CARHSP1: variants seen among roughly 807,000 people sequenced by gnomAD.
The protein encoded by CARHSP1 is calcium-regulated heat-stable protein 1.
Under a neutral mutation model 12.5 loss-of-function variants are expected in CARHSP1, and 14 were observed. The observed-to-expected ratio is 1.12, with a 90% confidence interval of 0.74 to 1.75. The LOEUF is 1.75. CARHSP1 is among the 40% of genes most tolerant of loss of function. CARHSP1 has a pLI of 0.00. For missense variants in CARHSP1, 343 were observed against 201.6 expected (o/e 1.70, Z -4.25); for synonymous variants, 161 against 82.0 (o/e 1.96, Z -5.20).
At chr16:8,859,434 A>C in intron 1 of CARHSP1, 99 bp from the exon 2 acceptor site, 1 of 1,104,398 alleles carries the variant, frequency 9.1e-7, no homozygotes, top group Non-Finnish European at 1.3e-6. Context: ...TCTGAGGCTC[A>C]TTCCTCTCGG....
At chr16:8,856,540 C>T (rs2061116004) in intron 3 of CARHSP1, among the ~76,000 whole-genome samples, 3 of 151,282 alleles carry the variant, frequency 2.0e-5, no homozygotes, top group South Asian at 4.2e-4. Context: ...TGGAAATACC[C>T]TTACACATCC....
chr16:8,856,428 C>T (rs1442774159), intron 3 of CARHSP1, among the ~76,000 whole-genome samples: 4 of 152,238 alleles, frequency 2.6e-5, no homozygotes, highest in Non-Finnish European at 5.9e-5. Flanking sequence ...CTTCCAGCAG[C>T]AGAACCAGAC....
rs1453162689 is a variant in CARHSP1 at position 8,857,289 on chromosome 16, T to G, written c.281+1061A>C. On this transcript the variant is annotated intron_variant, in intron 3 of 3. Coordinates refer to ENST00000311052, the MANE Select transcript of CARHSP1 (RefSeq NM_014316.4). ...TTTTTTTTTTTTTTTTTTTTTTTTT[T>G]TTTTTTTTTTGAGATGGAGTTTTGC... Among the ~76,000 whole-genome samples the G allele has an allele frequency of 1.3e-4, 17 of 126,246 alleles. 1 individual carries two copies. Among genetic ancestry groups the G allele is most frequent in the African/African-American group, 3.9e-4 (12 of 30,954 alleles). 82.8% of individuals were successfully genotyped at this position (126,246 alleles called of 152,430 possible).
rs1268238180 is a variant in CARHSP1 at position 8,858,946 on chromosome 16, A to C, written c.158+225T>G. On this transcript the variant is annotated intron_variant, in intron 2 of 3. Transcript: ENST00000311052. ...GCGATTCTGACCCCAGCAACTGCCC[A>C]CCCATTGCCACTCCCAGCTGGTAAC... 5 of 469,892 alleles carry C rather than the reference A, an allele frequency of 1.1e-5. No homozygotes were observed. In the East Asian group the frequency reaches 1.3e-4, roughly 12 times the overall value. The allele number at this position is 469,892 out of a possible 1,614,324, so 29.1% of individuals were successfully genotyped here. A position where few individuals can be genotyped will look rare whatever the true frequency, so the allele number is the denominator to read the frequency against.
chr16:8,858,235 C>T (rs1391419855), intron 3 of CARHSP1, 115 bp downstream of exon 3: 4 of 1,264,462 alleles, frequency 3.2e-6, no homozygotes, highest in Non-Finnish European at 4.3e-6. Context: ...GTCACACAGG[C>T]CCAGCCATTC....
chr16:8,861,573 C>T (rs2061356070), intron 1 of CARHSP1: 2 of 1,262,730 alleles, frequency 1.6e-6, no homozygotes, highest in Admixed American at 2.3e-5. Context: ...AGAACCCCTC[C>T]CCAGACATTG....
rs1008953166 is a variant in CARHSP1 at position 8,855,085 on chromosome 16, A to G, written c.*79T>C. 21 of 1,291,964 alleles carry G rather than the reference A, an allele frequency of 1.6e-5. No homozygotes were observed. Among genetic ancestry groups the G allele is most frequent in the Non-Finnish European group, 1.2e-5 (12 of 963,282 alleles). 80.0% of individuals were successfully genotyped at this position (1,291,964 alleles called of 1,614,324 possible). Reference sequence around the variant, plus strand: ...GCTGAAGCCCCGTCTCGTGTGGAAGAATGTCATCTCCAGTGTCTGCTGCCT... The same window carrying G: ...GCTGAAGCCCCGTCTCGTGTGGAAGGATGTCATCTCCAGTGTCTGCTGCCT... On this transcript the variant is annotated 3_prime_UTR_variant, in exon 4 of 4. Transcript: ENST00000311052.
At chr16:8,865,095 T>C (rs993764866) in intron 1 of CARHSP1, among the ~76,000 whole-genome samples, 2 of 152,196 alleles carry the variant, frequency 1.3e-5, no homozygotes, top group Non-Finnish European at 2.9e-5. Context: ...AGGGAGCTCA[T>C]TGAAGGAGAC....
rs567532431 is a variant in CARHSP1 at position 8,856,530 on chromosome 16, T to C, written c.282-1204A>G. On this transcript the variant is annotated intron_variant, in intron 3 of 3. Transcript: ENST00000311052. ...AAATCCTTTCTGGGACAAGGCAGTA[T>C]GGAAATACCCTTACACATCCATGTA... Among the ~76,000 whole-genome samples, 4 of 151,452 alleles carry C rather than the reference T, an allele frequency of 2.6e-5. No homozygotes were observed. In the South Asian group the frequency reaches 8.4e-4, roughly 32 times the overall value.
chr16:8,860,942 C>A (rs770652777), intron 1 of CARHSP1, among the ~76,000 whole-genome samples: 1 of 151,126 alleles, frequency 6.6e-6, no homozygotes, highest in African/African-American at 2.4e-5. Context: ...CCCAGCTACT[C>A]GGGAGGCCAA....
At chr16:8,864,708 C>T (rs953531303) in intron 1 of CARHSP1, among the ~76,000 whole-genome samples, 2 of 152,198 alleles carry the variant, frequency 1.3e-5, no homozygotes, top group African/African-American at 2.4e-5. Flanking sequence ...GATGAGTGCC[C>T]GGCCAAGGGA....
In CARHSP1 at chr16:8,859,345, G is replaced by C. The variant is rs1375891603; in HGVS notation, c.-7-10C>G. ...AGATGACATGGCTGACCTGGAAAGA[G>C]AAGAGGCTGTCAGGGGCTCGTGCCT... On this transcript the variant is annotated splice_polypyrimidine_tract_variant and intron_variant, in intron 1 of 3. Transcript: ENST00000311052. 2.5e-6 allele frequency: 4 copies of C among 1,596,914 alleles called. No individual in the cohort carries two copies. The South Asian group carries it at 3.3e-5, about 13-fold the overall frequency.
Position 8,865,629 on chromosome 16 carries a change from C to G in CARHSP1, c.-8+3337G>C, listed in dbSNP as rs145374727. Among the ~76,000 whole-genome samples the G allele has an allele frequency of 3.7e-3, 559 of 152,324 alleles. 4 individuals are homozygous for G. Among genetic ancestry groups the G allele is most frequent in the African/African-American group, 0.013 (540 of 41,572 alleles). On this transcript the variant is annotated intron_variant, in intron 1 of 3. Transcript: ENST00000311052. ...GGGCAGCTTCCAGCCCGGAGCCAGC[C>G]CACTGCTGGCAGGTGTGGTGGGTAG...
At chr16:8,861,045 G>C (rs138475955) in intron 1 of CARHSP1, among the ~76,000 whole-genome samples, 1 of 92,370 alleles carries the variant, frequency 1.1e-5, no homozygotes, top group Non-Finnish European at 2.6e-5. Flanking sequence ...GTGAGACTCC[G>C]TCTCAAAAAA....
At chr16:8,857,272 T>TTTGTTTTTTG (rs1567181148) in intron 3 of CARHSP1, among the ~76,000 whole-genome samples, 2 of 29,336 alleles carry the variant, frequency 6.8e-5, no homozygotes, top group East Asian at 1.9e-3. Flanking sequence ...TGTTTTTTTT[T>TTTGTTTTTTG]TTTTTTTTTT....
intron 1 of CARHSP1, chr16:8,859,783 G>C (rs192542977): frequency 7.8e-5 from 12 of 153,960 alleles, no homozygotes; most frequent in African/African-American, 2.9e-4. Context: ...TTCGAGACTA[G>C]CCTGGCCAAC....
chr16:8,863,249 GTT>G (rs1412116694), intron 1 of CARHSP1, among the ~76,000 whole-genome samples: 1 of 151,382 alleles, frequency 6.6e-6, no homozygotes, highest in Non-Finnish European at 1.5e-5. Flanking sequence ...AGCCTCCTGG[GTT>G]GTGGGACTAC....
chr16:8,864,519 A>G (rs1412678144), intron 1 of CARHSP1, among the ~76,000 whole-genome samples: 1 of 152,238 alleles, frequency 6.6e-6, no homozygotes, highest in Non-Finnish European at 1.5e-5. Context: ...GAACGGAGAC[A>G]CAAAGAGTCA....
At chr16:8,860,234 G>T (rs893649000) in intron 1 of CARHSP1, 4 of 984,788 alleles carry the variant, frequency 4.1e-6, no homozygotes, top group South Asian at 4.7e-5. Context: ...AGAGCCCAAA[G>T]GGAAAGGGAG....
Sources: gnomAD v4.1 joint callset for allele counts (sites outside exome capture counted in the v4.1 genomes callset) on GRCh38, gnomAD v4.1.1 for gene constraint, MANE v1.5 for transcripts, NCBI Gene and HGNC (gene_info 2026-07-23, HGNC 2026-07-21) for gene names.